Variants in DOCK2 observed in about 807,000 individuals in gnomAD.
The protein encoded by DOCK2 is dedicator of cytokinesis 2, also known as dedicator of cytokinesis protein 2.
Under a neutral mutation model 248.9 loss-of-function variants are expected in DOCK2, and 87 were observed. The observed-to-expected ratio is 0.35, with a 90% confidence interval of 0.29 to 0.42. The LOEUF (loss-of-function observed/expected upper bound fraction) is 0.42. DOCK2 is among the 10% of genes least tolerant of loss of function. DOCK2 has a pLI of 1.00. For missense variants in DOCK2, 1,747 were observed against 2,300.2 expected (o/e 0.76, Z 4.92); for synonymous variants, 805 against 821.6 (o/e 0.98, Z 0.35).
rs753265152 is a variant in DOCK2 at position 170,057,606 on chromosome 5, C to G, written c.4407C>G (p.Phe1469Leu). The part of the protein sequence containing the change: ...FASMWIERTS[F>L]VTAYKLPGIL... Reference sequence around the variant, plus strand: ...CCATGTGGATTGAGAGAACCTCCTTCGTGACTGCATACAAGCTGCCGGGGA... The same window carrying G: ...CCATGTGGATTGAGAGAACCTCCTTGGTGACTGCATACAAGCTGCCGGGGA... The change falls in exon 44 of 52, where the codon TTC becomes TTG. Residue 1469 changes from phenylalanine (F) to leucine (L), a missense_variant. Coordinates refer to ENST00000520908, the MANE Select transcript of DOCK2 (RefSeq NM_004946.3). 1.9e-6 allele frequency: 3 copies of G among 1,614,184 alleles called. No homozygotes were observed. The highest frequency in any genetic ancestry group is 2.5e-6 in the Non-Finnish European group (3 of 1,180,014).
rs1402855748 is a variant in DOCK2, at chr5:170,071,202, CCCTA to C, written c.4728+1986_4728+1989del. Among the ~76,000 whole-genome samples, 6 of 152,332 alleles carry C rather than the reference CCCTA, an allele frequency of 3.9e-5. No homozygotes were observed. In the East Asian group the frequency reaches 9.6e-4, roughly 24 times the overall value. Reference sequence around the variant, plus strand: ...TATCACATGCAGCAGATTAGCTCTTCCCTACCTGTTTCATTCCGTTTGTTCTTGC... The same window carrying C: ...TATCACATGCAGCAGATTAGCTCTTCCCTGTTTCATTCCGTTTGTTCTTGC... On this transcript the variant is annotated intron_variant, in intron 46 of 51. Transcript: ENST00000520908.
chr5:170,055,263 C>G (rs1757082117), intron 41 of DOCK2, 42 bp from the exon 42 acceptor site: 2 of 1,597,940 alleles, frequency 1.3e-6, no homozygotes, highest in Non-Finnish European at 1.7e-6. Context: ...AAAACTGTCC[C>G]CGCAGCCAAC....
intron 7 of DOCK2, among the ~76,000 whole-genome samples, chr5:169,682,722 G>A (rs930611316): frequency 1.3e-5 from 2 of 152,036 alleles, no homozygotes; most frequent in African/African-American, 2.4e-5. Context: ...TTAATGAATC[G>A]TAATAATATA....
chr5:170,018,318 C>G (rs1044142332), intron 32 of DOCK2, among the ~76,000 whole-genome samples: 7 of 152,068 alleles, frequency 4.6e-5, no homozygotes, highest in Admixed American at 4.6e-4. Context: ...TGTGCACAAG[C>G]CTTGCTGTGG....
At chr5:169,940,074 G>T (rs932787400) in intron 27 of DOCK2, among the ~76,000 whole-genome samples, 1 of 152,204 alleles carries the variant, frequency 6.6e-6, no homozygotes, top group Non-Finnish European at 1.5e-5. Context: ...CCTGGTGACG[G>T]CTGTGGGTGG....
intron 25 of DOCK2, among the ~76,000 whole-genome samples, chr5:169,777,669 T>C (rs982641785): frequency 4.6e-5 from 7 of 152,348 alleles, no homozygotes; most frequent in Admixed American, 3.9e-4. Flanking sequence ...TGTAAGCATC[T>C]GATTCTTCAC....
intron 41 of DOCK2, among the ~76,000 whole-genome samples, chr5:170,053,469 C>G (rs747144239): frequency 6.6e-6 from 1 of 152,198 alleles, no homozygotes; most frequent in South Asian, 2.1e-4. Context: ...ATCATTTTCA[C>G]GTTACAAAAT....
intron 30 of DOCK2, among the ~76,000 whole-genome samples, chr5:170,003,007 A>G (rs1056198885): frequency 2.6e-5 from 4 of 152,228 alleles, no homozygotes; most frequent in African/African-American, 9.6e-5. Context: ...TCAGGAGCCC[A>G]GCTGTATTCG....
At position 170,018,979 on chromosome 5, in the gene DOCK2, C is replaced by T. The variant is rs1248645785; in HGVS notation, c.3252C>T (p.Phe1084=). 9.3e-6 allele frequency: 15 copies of T among 1,613,922 alleles called. No homozygotes were observed. Among genetic ancestry groups the T allele is most frequent in the Non-Finnish European group, 1.3e-5 (15 of 1,179,932 alleles). The change falls in exon 33 of 52, where the codon TTC becomes TTT. Residue 1084 remains phenylalanine (F), a synonymous_variant. Transcript: ENST00000520908. ...TTTCAGGTCAGAACAAAATCTGCTT[C>T]ATCCCAGGCATGGTAGGACCTATAT... ...WYKLGQNKIC[F]IPGMVGPILE...
intron 48 of DOCK2, 24 bp downstream of exon 48, chr5:170,077,861 C>A (rs199912452): frequency 5.0e-6 from 8 of 1,605,246 alleles, no homozygotes; most frequent in African/African-American, 2.7e-5. Flanking sequence ...CCCCAAGGAG[C>A]CCCCCACACC....
chr5:170,017,701 C>G (rs1022495976), intron 32 of DOCK2, among the ~76,000 whole-genome samples: 3 of 152,038 alleles, frequency 2.0e-5, no homozygotes. Flanking sequence ...ATGAGGACAC[C>G]GAGGCCCCGA....
intron 27 of DOCK2, among the ~76,000 whole-genome samples, chr5:169,859,208 C>A (rs189567951): frequency 6.6e-6 from 1 of 152,248 alleles, no homozygotes; most frequent in East Asian, 1.9e-4. Context: ...CCAACGGATG[C>A]ATCCCTGCTC....
chr5:169,911,314 C>T (rs765841998), intron 27 of DOCK2, among the ~76,000 whole-genome samples: 2 of 152,092 alleles, frequency 1.3e-5, no homozygotes, highest in Non-Finnish European at 2.9e-5. Context: ...ACATACCAAT[C>T]GTGTATGAAT....
intron 30 of DOCK2, among the ~76,000 whole-genome samples, chr5:170,007,223 T>G (rs1238564081): frequency 6.6e-6 from 1 of 152,166 alleles, no homozygotes; most frequent in African/African-American, 2.4e-5. Flanking sequence ...GGCAGTATGA[T>G]TTCTCTGGCT....
intron 44 of DOCK2, among the ~76,000 whole-genome samples, 165 bp downstream of exon 44, chr5:170,057,831 A>G (rs1205671437): frequency 7.0e-6 from 1 of 143,344 alleles, no homozygotes; most frequent in Non-Finnish European, 1.5e-5. Flanking sequence ...AGTGCCTTTC[A>G]GATTTTTTTT....
intron 25 of DOCK2, among the ~76,000 whole-genome samples, chr5:169,783,345 C>T (rs1214860253): frequency 6.6e-6 from 1 of 152,112 alleles, no homozygotes; most frequent in African/African-American, 2.4e-5. Flanking sequence ...TCCAGAGAGC[C>T]ATTTCAGGGT....
chr5:170,007,967 A>G (rs1331366354), intron 30 of DOCK2, among the ~76,000 whole-genome samples: 1 of 152,184 alleles, frequency 6.6e-6, no homozygotes, highest in African/African-American at 2.4e-5. Flanking sequence ...CTTTGAAACT[A>G]TTCAACTAAG....
intron 34 of DOCK2, among the ~76,000 whole-genome samples, chr5:170,033,831 T>C (rs1242014527): frequency 6.6e-6 from 1 of 152,238 alleles, no homozygotes; most frequent in Non-Finnish European, 1.5e-5. Context: ...CTATATTTTA[T>C]AGAGCTTTTC....
intron 25 of DOCK2, among the ~76,000 whole-genome samples, chr5:169,767,546 T>A (rs1368204394): frequency 1.3e-5 from 2 of 152,212 alleles, no homozygotes; most frequent in African/African-American, 4.8e-5. Context: ...TTATTTTGGA[T>A]CCTGGCTTGA....
Sources: allele counts gnomAD v4.1 joint callset (sites outside exome capture counted in the v4.1 genomes callset), GRCh38; gene constraint gnomAD v4.1.1; transcripts MANE v1.5; gene names NCBI Gene and HGNC (gene_info 2026-07-23, HGNC 2026-07-21).